Variants in TTC28 observed in about 807,000 individuals in gnomAD.
TTC28 encodes tetratricopeptide repeat protein 28.
A neutral mutation model predicts 198.0 loss-of-function variants in TTC28; 61 were observed. The ratio of observed to expected loss-of-function variants is 0.31; its 90% CI spans 0.25 to 0.38. The LOEUF (loss-of-function observed/expected upper bound fraction) is 0.38, where lower values mean the gene tolerates loss of function less well. Ranked by LOEUF, TTC28 falls within the 10% of genes least tolerant of loss-of-function variation. The pLI is 1.00. For synonymous variants in TTC28, 1,171 were observed against 1,297.8 expected, an observed-to-expected ratio of 0.90 and a Z score of 2.10; for missense variants, 2,678 against 3,164.0, an observed-to-expected ratio of 0.85 and a Z score of 3.69.
chr22:28,313,671 G>A (rs996929988), intron 2 of TTC28, among the ~76,000 whole-genome samples: 11 of 152,168 alleles, frequency 7.2e-5, no homozygotes, highest in African/African-American at 2.4e-4. Flanking sequence ...AGCCTTTCAT[G>A]CTAAAACCTC....
chr22:28,678,329 C>A (rs1239780204), intron 1 of TTC28, among the ~76,000 whole-genome samples: 1 of 152,206 alleles, frequency 6.6e-6, no homozygotes, highest in Non-Finnish European at 1.5e-5. Flanking sequence ...ATCCTCCCAC[C>A]TCAGCCTCCA....
intron 5 of TTC28, among the ~76,000 whole-genome samples, chr22:28,216,894 A>G (rs1243432099): frequency 6.6e-6 from 1 of 151,774 alleles, no homozygotes; most frequent in Non-Finnish European, 1.5e-5. Flanking sequence ...GCAATTTTTT[A>G]TTTTTTGTAG....
intron 21 of TTC28, among the ~76,000 whole-genome samples, chr22:27,988,643 G>T (rs1341843884): frequency 1.3e-5 from 2 of 152,110 alleles, no homozygotes; most frequent in Non-Finnish European, 2.9e-5. Flanking sequence ...GCTCATCCAT[G>T]TAACAGTGAG....
At chr22:28,240,465 A>C (rs922404639) in intron 5 of TTC28, among the ~76,000 whole-genome samples, 1 of 152,222 alleles carries the variant, frequency 6.6e-6, no homozygotes. Flanking sequence ...AATGGTGTAT[A>C]CATACATGTA....
Position 27,996,690 on chromosome 22 carries a change from C to A in TTC28, c.5120-431G>T, listed in dbSNP as rs1937558844. Among the ~76,000 whole-genome samples the A allele has an allele frequency of 2.6e-5, 4 of 152,212 alleles. No individual in the cohort carries two copies. The South Asian group carries it at 8.3e-4, about 32-fold the overall frequency. ...ACTCCTCCAGTTCTAAACCAGCAAA[C>A]CAAGTTCGGCTGGGAAAGACCAACT... is the stretch of plus-strand genomic sequence containing the variant. On this transcript the variant is annotated intron_variant, in intron 16 of 22. Transcript: ENST00000397906.
chr22:28,604,908 CA>C (rs1339954825), intron 2 of TTC28, among the ~76,000 whole-genome samples: 2 of 152,178 alleles, frequency 1.3e-5, no homozygotes, highest in Admixed American at 6.5e-5. Context: ...GTATATATGA[CA>C]ACAAAACTCT....
intron 2 of TTC28, among the ~76,000 whole-genome samples, chr22:28,569,440 A>G (rs1473766939): frequency 1.3e-5 from 2 of 152,130 alleles, no homozygotes; most frequent in Non-Finnish European, 2.9e-5. Flanking sequence ...AAAGATGACA[A>G]TAACAAGTAA....
At chr22:28,657,860 G>A (rs1288949226) in intron 1 of TTC28, among the ~76,000 whole-genome samples, 1 of 151,968 alleles carries the variant, frequency 6.6e-6, no homozygotes, top group Non-Finnish European at 1.5e-5. Flanking sequence ...ACCTGGGCGG[G>A]CAACAGAGCA....
intron 2 of TTC28, among the ~76,000 whole-genome samples, chr22:28,485,251 A>G (rs752962907): frequency 5.9e-5 from 9 of 152,214 alleles, no homozygotes; most frequent in Non-Finnish European, 1.2e-4. Context: ...AGTAATTCAC[A>G]TCACAGCCGA....
intron 6 of TTC28, among the ~76,000 whole-genome samples, chr22:28,124,702 A>C (rs1942873744): frequency 6.6e-6 from 1 of 152,316 alleles, no homozygotes; most frequent in South Asian, 2.1e-4. Context: ...ACAGGAGAGA[A>C]GGTAGGATTT....
At chr22:28,116,537 C>A (rs1205151071) in intron 6 of TTC28, among the ~76,000 whole-genome samples, 1 of 152,124 alleles carries the variant, frequency 6.6e-6, no homozygotes. Flanking sequence ...CCTGGCCAAG[C>A]CCCGCCATTA....
At chr22:28,001,756 G>A in intron 14 of TTC28, 1 of 605,710 alleles carries the variant, frequency 1.7e-6, no homozygotes, top group Non-Finnish European at 2.9e-6. Flanking sequence ...GGACTGGCAA[G>A]GGCTGGCCTG....
At chr22:28,582,873 C>G (rs991648147) in intron 2 of TTC28, among the ~76,000 whole-genome samples, 6 of 152,044 alleles carry the variant, frequency 3.9e-5, no homozygotes, top group African/African-American at 1.4e-4. Flanking sequence ...AATGGGGGTT[C>G]CTACAGCACA....
chr22:28,678,090 T>C (rs1368958248), intron 1 of TTC28, among the ~76,000 whole-genome samples: 1 of 152,304 alleles, frequency 6.6e-6, no homozygotes, highest in Admixed American at 6.5e-5. Context: ...CCTGCCCCAA[T>C]GGAATGAAAT....
intron 2 of TTC28, among the ~76,000 whole-genome samples, chr22:28,376,945 G>A (rs1438925068): frequency 6.6e-6 from 1 of 151,924 alleles, no homozygotes. Flanking sequence ...AAACAGGAAT[G>A]GTCTTCTCAC....
rs149419276 is a variant in TTC28 at position 28,396,564 on chromosome 22, T to A, written c.382-89921A>T. The stretch of plus-strand genomic sequence containing the variant: ...GATTTAAATTCTAATCATTTTCCCT[T>A]TGCCCTTTAACATTGGTGCTCCCAA... On this transcript the variant is annotated intron_variant, in intron 2 of 22. Transcript: ENST00000397906. Among the ~76,000 whole-genome samples, 7 of 152,292 alleles carry A rather than the reference T, an allele frequency of 4.6e-5. No individual in the cohort carries two copies. The East Asian group carries it at 1.4e-3, about 29-fold the overall frequency.
intron 6 of TTC28, among the ~76,000 whole-genome samples, chr22:28,111,882 A>T (rs1460737643): frequency 2.0e-5 from 3 of 152,136 alleles, no homozygotes; most frequent in Non-Finnish European, 2.9e-5. Context: ...GCCCATCACC[A>T]CCAAAGACAG....
chr22:28,600,036 A>G (rs1216705047), intron 2 of TTC28, among the ~76,000 whole-genome samples: 2 of 152,228 alleles, frequency 1.3e-5, no homozygotes, highest in Non-Finnish European at 2.9e-5. Flanking sequence ...AACATAGCTT[A>G]CAACTGCCAT....
intron 12 of TTC28, among the ~76,000 whole-genome samples, chr22:28,075,847 G>C (rs1007905545): frequency 6.6e-6 from 1 of 152,130 alleles, no homozygotes; most frequent in Non-Finnish European, 1.5e-5. Context: ...AGGCCTCTTT[G>C]TTCCGACCTT....
Sources: allele counts gnomAD v4.1 joint callset (sites outside exome capture counted in the v4.1 genomes callset), GRCh38; gene constraint gnomAD v4.1.1; transcripts MANE v1.5; gene names NCBI Gene and HGNC (gene_info 2026-07-23, HGNC 2026-07-21).